PRIMA1: variants seen among roughly 807,000 people sequenced by gnomAD.
The protein encoded by PRIMA1 is proline-rich membrane anchor 1.
A neutral mutation model predicts 17.5 loss-of-function variants in PRIMA1; 7 were observed. The observed-to-expected ratio is 0.40, with a 90% CI of 0.23 to 0.75. PRIMA1 has a LOEUF of 0.75. Among genes scored for constraint, PRIMA1 ranks in the 30% least tolerant of loss-of-function variants. PRIMA1 has a pLI of 0.37. For missense variants in PRIMA1, 200 were observed against 201.8 expected, an observed-to-expected ratio of 0.99 and a Z score of 0.05; for synonymous variants, 97 against 77.9, an observed-to-expected ratio of 1.25 and a Z score of -1.29.
chr14:93,727,973 C>T (rs2076089971), intron 4 of PRIMA1, among the ~76,000 whole-genome samples: 1 of 152,202 alleles, frequency 6.6e-6, no homozygotes, highest in African/African-American at 2.4e-5. Context: ...GCCAGCCCAG[C>T]CCAGCCTGGT....
chr14:93,773,269 C>A (rs150934598), intron 3 of PRIMA1, among the ~76,000 whole-genome samples: 16 of 152,342 alleles, frequency 1.1e-4, no homozygotes, highest in African/African-American at 3.8e-4. Context: ...AAAACTGAGG[C>A]TCTGAGAGGT....
At chr14:93,780,818 CG>C (rs1364642700) in intron 2 of PRIMA1, among the ~76,000 whole-genome samples, 1 of 152,196 alleles carries the variant, frequency 6.6e-6, no homozygotes, top group Non-Finnish European at 1.5e-5. Flanking sequence ...ATGCCTGTCC[CG>C]GGGAACAAGC....
chr14:93,722,292 G>A (rs2076044292), intron 4 of PRIMA1, among the ~76,000 whole-genome samples: 1 of 4,994 alleles, frequency 2.0e-4, no homozygotes, highest in African/African-American at 9.4e-4. Context: ...TGGTGGTAGT[G>A]GTGATGCTGG....
At chr14:93,759,915 C>T (rs1425560696) in intron 3 of PRIMA1, among the ~76,000 whole-genome samples, 1 of 152,248 alleles carries the variant, frequency 6.6e-6, no homozygotes, top group Admixed American at 6.5e-5. Flanking sequence ...CCCAGACAGG[C>T]TGGCCTGAGA....
chr14:93,780,873 C>G (rs568673975), intron 2 of PRIMA1, among the ~76,000 whole-genome samples: 2 of 152,340 alleles, frequency 1.3e-5, no homozygotes, highest in South Asian at 2.1e-4. Context: ...TCCACCTCCT[C>G]GACAGCCACG....
chr14:93,777,002 G>T (rs1442289913), intron 3 of PRIMA1, among the ~76,000 whole-genome samples: 1 of 152,196 alleles, frequency 6.6e-6, no homozygotes, highest in Non-Finnish European at 1.5e-5. Flanking sequence ...TTCTCATTTA[G>T]AGTAGTTTTG....
intron 3 of PRIMA1, among the ~76,000 whole-genome samples, chr14:93,737,791 G>A (rs997660926): frequency 6.6e-6 from 1 of 152,202 alleles, no homozygotes; most frequent in African/African-American, 2.4e-5. Context: ...TCCCTGCCCC[G>A]GCGTGCTCAG....
intron 3 of PRIMA1, among the ~76,000 whole-genome samples, chr14:93,737,867 G>T (rs981224419): frequency 6.6e-6 from 1 of 152,064 alleles, no homozygotes; most frequent in Non-Finnish European, 1.5e-5. Context: ...CTGACAGCAG[G>T]GTCAGGTCTA....
rs80283121 is a variant in PRIMA1 at position 93,751,246 on chromosome 14, C to A, written c.230-13876G>T. ...GGAGCCCAGGAAGTGAAGTCCCATG[C>A]CCTGCAGAGCATCCTCCACCAGTAA... On this transcript the variant is annotated intron_variant, in intron 3 of 4. Transcript: ENST00000393140. 2.9e-3 allele frequency among the ~76,000 whole-genome samples: 439 copies of A among 152,284 alleles called. 3 individuals are homozygous for A. Among genetic ancestry groups the A allele is most frequent in the Non-Finnish European group, 5.1e-3 (348 of 68,006 alleles).
At chr14:93,731,383 C>T (rs997822884) in intron 4 of PRIMA1, among the ~76,000 whole-genome samples, 35 of 140,162 alleles carry the variant, frequency 2.5e-4, no homozygotes, top group African/African-American at 8.4e-4. Flanking sequence ...AAAGTGGTTG[C>T]CTCTCAAGAA....
Position 93,782,981 on chromosome 14 carries a change from G to C in PRIMA1, c.94-3670C>G, listed in dbSNP as rs190312825. ...GGGTTTCGCTATGTTGACCAGACTG[G>C]TCTCAAATTTCTGGCTCAAGCAGTC... On this transcript the variant is annotated intron_variant, in intron 2 of 4. Coordinates refer to ENST00000393140, the MANE Select transcript of PRIMA1 (RefSeq NM_178013.4). Among the ~76,000 whole-genome samples the C allele has an allele frequency of 2.8e-4, 43 of 152,272 alleles. 1 individual carries two copies. In the East Asian group the frequency reaches 6.4e-3, roughly 23 times the overall value.
At chr14:93,738,613 C>A (rs1328943665) in intron 3 of PRIMA1, among the ~76,000 whole-genome samples, 2 of 152,166 alleles carry the variant, frequency 1.3e-5, no homozygotes, top group African/African-American at 2.4e-5. Context: ...AGTGGGGAAC[C>A]AGGGGATGAC....
chr14:93,742,740 A>G (rs2076192040), intron 3 of PRIMA1, among the ~76,000 whole-genome samples: 1 of 152,186 alleles, frequency 6.6e-6, no homozygotes, highest in South Asian at 2.1e-4. Flanking sequence ...CTATCAGAGG[A>G]GATGATGGAG....
intron 3 of PRIMA1, among the ~76,000 whole-genome samples, chr14:93,740,997 C>T (rs1040031206): frequency 2.0e-5 from 3 of 152,162 alleles, no homozygotes; most frequent in African/African-American, 7.2e-5. Flanking sequence ...AAGCAGTGAG[C>T]CCATGGTTCA....
chr14:93,732,764 G>C (rs1265409980), intron 4 of PRIMA1, among the ~76,000 whole-genome samples: 1 of 152,192 alleles, frequency 6.6e-6, no homozygotes, highest in African/African-American at 2.4e-5. Flanking sequence ...TTTCAGAGAG[G>C]GAAAACGGAG....
Position 93,787,697 on chromosome 14 carries a change from G to A in PRIMA1, c.22C>T (p.Leu8=). Residue 8 remains leucine, a synonymous_variant, in exon 2 of 5, where the codon CTG becomes TTG. Transcript: ENST00000393140. ...GAGGACCAGCAGCAGCCACGGCGCA[G>A]CACCAAGTCCCGGAGGAGCATCTCG... MLLRDLV[L]RRGCCWSSLL... 1 of 1,544,396 alleles carries A rather than the reference G, an allele frequency of 6.5e-7. No homozygotes were observed. The highest frequency in any genetic ancestry group is 8.7e-7 in the Non-Finnish European group (1 of 1,146,720).
chr14:93,729,101 C>T (rs2076097924), intron 4 of PRIMA1, among the ~76,000 whole-genome samples: 1 of 152,190 alleles, frequency 6.6e-6, no homozygotes, highest in Non-Finnish European at 1.5e-5. Context: ...GGCAGTGAGG[C>T]CCAGGGGAAG....
chr14:93,732,693 A>C (rs577326025), intron 4 of PRIMA1, among the ~76,000 whole-genome samples: 2 of 152,266 alleles, frequency 1.3e-5, no homozygotes, highest in South Asian at 4.2e-4. Flanking sequence ...TGAATGCCTG[A>C]GTGGTGATGG....
chr14:93,747,585 T>C (rs773326188), intron 3 of PRIMA1, among the ~76,000 whole-genome samples: 5 of 147,288 alleles, frequency 3.4e-5, no homozygotes, highest in Non-Finnish European at 7.5e-5. Context: ...TGTGAGTGCA[T>C]GGGAGTATTG....
Sources: gnomAD v4.1 joint callset for allele counts (sites outside exome capture counted in the v4.1 genomes callset) on GRCh38, gnomAD v4.1.1 for gene constraint, MANE v1.5 for transcripts, NCBI Gene and HGNC (gene_info 2026-07-23, HGNC 2026-07-21) for gene names.